The following SRGAP1 variants were observed in gnomAD, a reference collection of about 807,000 sequenced individuals.
SRGAP1 encodes the protein SLIT-ROBO Rho GTPase-activating protein 1.
SRGAP1 carries 43 observed loss-of-function variants against 121.9 expected under a neutral mutation model. That is an observed-to-expected ratio of 0.35 (90% CI 0.28 to 0.46). The LOEUF is 0.46. Ranked by LOEUF, SRGAP1 falls within the 20% of genes least tolerant of loss-of-function variation. SRGAP1 has a pLI of 1.00. For missense variants in SRGAP1, 1,102 were observed against 1,350.9 expected (o/e 0.82, Z 2.89); for synonymous variants, 447 against 485.4 (o/e 0.92, Z 1.04).
rs886823037 is a variant in SRGAP1 at position 63,958,370 on chromosome 12, A to G, written c.68-25577A>G. On this transcript the variant is annotated intron_variant, in intron 1 of 21. Transcript: ENST00000355086. ...CCCTGTCCCTCCCTTCTCACTCCCC[A>G]GAAGATGGAGGAATTAGGACCCTCC... Among the ~76,000 whole-genome samples, 18 of 152,246 alleles carry G rather than the reference A, an allele frequency of 1.2e-4. 1 individual carries two copies. The South Asian group carries it at 3.7e-3, about 32-fold the overall frequency.
intron 4 of SRGAP1, among the ~76,000 whole-genome samples, chr12:64,020,609 A>T (rs998466648): frequency 3.3e-5 from 5 of 152,144 alleles, no homozygotes; most frequent in African/African-American, 1.2e-4. Context: ...TTGGGAGGCC[A>T]AGGCGGGTGG....
chr12:64,086,130 C>T (rs2035933023), intron 10 of SRGAP1, among the ~76,000 whole-genome samples: 1 of 152,194 alleles, frequency 6.6e-6, no homozygotes, highest in African/African-American at 2.4e-5. Context: ...CTGAGCTTAG[C>T]TGTTTGTGCT....
At chr12:63,868,075 T>G (rs12315348) in intron 1 of SRGAP1, among the ~76,000 whole-genome samples, 5,753 of 96,862 alleles carry the variant, frequency 0.059, 287 homozygotes, top group African/African-American at 0.22. Flanking sequence ...TTTTTTTTTT[T>G]TTTGTTTTTT....
At chr12:63,885,362 G>A (rs1203536859) in intron 1 of SRGAP1, among the ~76,000 whole-genome samples, 1 of 152,198 alleles carries the variant, frequency 6.6e-6, no homozygotes, top group African/African-American at 2.4e-5. Context: ...CAAGGGCGAG[G>A]TATGGAGTAA....
At chr12:63,910,744 C>G (rs957873955) in intron 1 of SRGAP1, among the ~76,000 whole-genome samples, 1 of 152,120 alleles carries the variant, frequency 6.6e-6, no homozygotes, top group Non-Finnish European at 1.5e-5. Context: ...AATATTTTCT[C>G]TTGTGCTTTT....
intron 6 of SRGAP1, among the ~76,000 whole-genome samples, chr12:64,053,721 G>A (rs985095330): frequency 2.0e-5 from 3 of 152,098 alleles, no homozygotes; most frequent in African/African-American, 7.2e-5. Flanking sequence ...GTAAATAATA[G>A]TTTAAATATC....
intron 1 of SRGAP1, among the ~76,000 whole-genome samples, chr12:63,930,766 T>A (rs2031448901): frequency 6.6e-6 from 1 of 151,898 alleles, no homozygotes; most frequent in Non-Finnish European, 1.5e-5. Context: ...AAAAAAAAAT[T>A]CAAAAAGCGT....
intron 3 of SRGAP1, among the ~76,000 whole-genome samples, chr12:64,013,129 C>T (rs2034299814): frequency 6.6e-6 from 1 of 152,208 alleles, no homozygotes; most frequent in South Asian, 2.1e-4. Flanking sequence ...CGTATGCTAA[C>T]TGGGCCACAC....
chr12:64,085,858 C>T (rs1421419393), intron 10 of SRGAP1, among the ~76,000 whole-genome samples: 1 of 152,182 alleles, frequency 6.6e-6, no homozygotes, highest in Non-Finnish European at 1.5e-5. Context: ...TGTCCATGAA[C>T]TCATTCTGCC....
intron 3 of SRGAP1, among the ~76,000 whole-genome samples, chr12:64,014,369 C>T (rs899191986): frequency 1.3e-5 from 2 of 152,146 alleles, no homozygotes; most frequent in Admixed American, 6.6e-5. Context: ...ATTTCTTCTA[C>T]CTTATTATCT....
intron 4 of SRGAP1, among the ~76,000 whole-genome samples, chr12:64,040,346 G>A (rs916486750): frequency 6.6e-6 from 1 of 152,118 alleles, no homozygotes; most frequent in African/African-American, 2.4e-5. Context: ...TTAGACCTTA[G>A]TTATAAAATT....
intron 1 of SRGAP1, among the ~76,000 whole-genome samples, chr12:63,961,911 A>T (rs2032654472): frequency 6.6e-6 from 1 of 152,232 alleles, no homozygotes; most frequent in African/African-American, 2.4e-5. Flanking sequence ...GTGGTTGCAG[A>T]AAACCTTTCA....
In SRGAP1 at chr12:64,086,979, T is replaced by A; in HGVS notation, c.1409-20T>A. 1 of 1,586,376 alleles carries A rather than the reference T, an allele frequency of 6.3e-7. No individual in the cohort carries two copies. The highest frequency in any genetic ancestry group is 1.3e-5 in the African/African-American group (1 of 74,486). Reference sequence around the variant, plus strand: ...TGCTGATTCCTTTCAGTTTACTTACTTTAAATTTTTTTCCTGCAGGTCATA... The same window carrying A: ...TGCTGATTCCTTTCAGTTTACTTACATTAAATTTTTTTCCTGCAGGTCATA... On this transcript the variant is annotated intron_variant, in intron 10 of 21. Transcript: ENST00000355086.
intron 6 of SRGAP1, among the ~76,000 whole-genome samples, chr12:64,059,317 T>G (rs2035403171): frequency 6.6e-6 from 1 of 152,230 alleles, no homozygotes; most frequent in Non-Finnish European, 1.5e-5. Flanking sequence ...TATGTATTTT[T>G]CAGAGCTCCA....
In SRGAP1 at chr12:64,157,808, C is replaced by T. The variant is rs1262973506; in HGVS notation, c.*15136C>T. On this transcript the variant is annotated 3_prime_UTR_variant, in exon 22 of 22. Coordinates refer to ENST00000355086, the MANE Select transcript of SRGAP1 (RefSeq NM_020762.4). ...CTAGCTGCTGTAACAAACAACCCCC[C>T]AAACTCAGTAACACAATCAAGCTGA... 1 of 152,024 alleles carries T rather than the reference C, an allele frequency of 6.6e-6. No individual in the cohort carries two copies. Among genetic ancestry groups the T allele is most frequent in the African/African-American group, 2.4e-5 (1 of 41,382 alleles). The allele number at this position is 152,024 out of a possible 1,614,324, so 9.4% of individuals were successfully genotyped here.
chr12:64,011,980 G>A (rs2034265423), intron 3 of SRGAP1, among the ~76,000 whole-genome samples: 1 of 151,718 alleles, frequency 6.6e-6, no homozygotes, highest in African/African-American at 2.4e-5. Context: ...TGTGCCTGTA[G>A]TCCCAGCTAC....
chr12:63,947,512 T>C (rs1243431500), intron 1 of SRGAP1, among the ~76,000 whole-genome samples: 2 of 152,238 alleles, frequency 1.3e-5, no homozygotes, highest in South Asian at 2.1e-4. Context: ...TTTTTAAATA[T>C]GTGGATACCT....
chr12:64,137,849 G>GA (rs1203487047), intron 21 of SRGAP1, among the ~76,000 whole-genome samples: 2 of 151,644 alleles, frequency 1.3e-5, no homozygotes, highest in African/African-American at 4.8e-5. Context: ...AGATGAGTGG[G>GA]AGAAGCCCTG....
At chr12:63,897,423 A>G (rs182272237) in intron 1 of SRGAP1, among the ~76,000 whole-genome samples, 11 of 152,318 alleles carry the variant, frequency 7.2e-5, no homozygotes, top group South Asian at 2.1e-4. Context: ...TGTACTTTCA[A>G]CTTTCCTACT....
Sources: gnomAD v4.1 joint callset for allele counts (sites outside exome capture counted in the v4.1 genomes callset) on GRCh38, gnomAD v4.1.1 for gene constraint, MANE v1.5 for transcripts, NCBI Gene and HGNC (gene_info 2026-07-23, HGNC 2026-07-21) for gene names.